Variants in PRKN observed in about 807,000 individuals in gnomAD.
The protein encoded by PRKN is E3 ubiquitin-protein ligase parkin.
PRKN carries 56 observed loss-of-function variants against 59.5 expected under a neutral mutation model. The observed-to-expected ratio is 0.94, with a 90% CI of 0.76 to 1.18. The LOEUF is 1.18. Among genes scored for constraint, PRKN ranks in the 50% most tolerant of loss-of-function variants. The pLI, the probability that PRKN is intolerant of heterozygous loss-of-function variation, is 0.00. For missense variants in PRKN, 657 were observed against 596.4 expected (o/e 1.10, Z -1.06); for synonymous variants, 250 against 222.1 (o/e 1.13, Z -1.12).
Position 161,423,269 on chromosome 6 carries a change from T to G in PRKN, c.1084-36392A>C, listed in dbSNP as rs1788186483. 6.6e-6 allele frequency among the ~76,000 whole-genome samples: 1 copy of G among 152,194 alleles called. No homozygotes were observed. Among genetic ancestry groups the G allele is most frequent in the Non-Finnish European group, 1.5e-5 (1 of 68,038 alleles). On this transcript the variant is annotated intron_variant, in intron 9 of 11. Coordinates refer to ENST00000366898, the MANE Select transcript of PRKN (RefSeq NM_004562.3). This position sits in a 1 kb window ranked among gnomAD's most constrained non-coding sequence, Gnocchi z 5.9. ...ACGTTAATTTTTCTCAACTAGTATC[T>G]GAAGGGTTGTCATGCTCTCTCTGCT...
intron 5 of PRKN, among the ~76,000 whole-genome samples, chr6:162,011,796 C>G (rs1410883928): frequency 6.6e-6 from 1 of 151,414 alleles, no homozygotes; most frequent in Non-Finnish European, 1.5e-5. Context: ...TAAGAAATAA[C>G]TGAAAGTGCA....
intron 4 of PRKN, among the ~76,000 whole-genome samples, chr6:162,188,778 GT>G (rs57578381): frequency 0.013 from 1,843 of 139,182 alleles, 35 homozygotes; most frequent in African/African-American, 0.043. Flanking sequence ...CTTAGATTTC[GT>G]TTTTTTTTTT....
chr6:161,884,083 AAACT>A (rs1398576419), intron 6 of PRKN, among the ~76,000 whole-genome samples: 1 of 152,238 alleles, frequency 6.6e-6, no homozygotes, highest in East Asian at 1.9e-4. Context: ...AACTAACATG[AAACT>A]AACTAACTTA....
chr6:162,021,185 ATT>A (rs1783165744), intron 5 of PRKN, among the ~76,000 whole-genome samples: 4 of 53,200 alleles, frequency 7.5e-5, no homozygotes, highest in Admixed American at 2.8e-4. Flanking sequence ...GTGTATATAT[ATT>A]ATATATATAA....
At chr6:162,322,791 A>T (rs1783085716) in intron 2 of PRKN, among the ~76,000 whole-genome samples, 1 of 152,028 alleles carries the variant, frequency 6.6e-6, no homozygotes, top group Non-Finnish European at 1.5e-5. Flanking sequence ...AATGAACTTG[A>T]TTCACAATAG....
At chr6:161,891,925 C>T (rs1249623613) in intron 6 of PRKN, among the ~76,000 whole-genome samples, 1 of 152,162 alleles carries the variant, frequency 6.6e-6, no homozygotes, top group Non-Finnish European at 1.5e-5. Flanking sequence ...TTAGTCCTTA[C>T]CTAGACATCT....
chr6:161,557,342 G>T (rs1780274590), intron 8 of PRKN, among the ~76,000 whole-genome samples: 1 of 152,178 alleles, frequency 6.6e-6, no homozygotes, highest in African/African-American at 2.4e-5. Context: ...AATGGGTCAT[G>T]GGAGAGTATA....
chr6:161,792,787 C>T (rs1473564210), intron 6 of PRKN, among the ~76,000 whole-genome samples: 1 of 152,128 alleles, frequency 6.6e-6, no homozygotes. Flanking sequence ...GCATTTAACA[C>T]AGTATTTGAT....
chr6:162,576,232 T>C (rs980295882), intron 1 of PRKN, among the ~76,000 whole-genome samples: 1 of 152,284 alleles, frequency 6.6e-6, no homozygotes, highest in South Asian at 2.1e-4. Flanking sequence ...CTCTGCTGAC[T>C]CAGTCTTAAA....
At chr6:161,640,150 T>C (rs1039243695) in intron 7 of PRKN, among the ~76,000 whole-genome samples, 2 of 152,198 alleles carry the variant, frequency 1.3e-5, no homozygotes, top group Non-Finnish European at 2.9e-5. Context: ...CCTTTTTCCA[T>C]TAAAATTATG....
intron 1 of PRKN, among the ~76,000 whole-genome samples, chr6:162,515,860 T>G (rs1027504270): frequency 6.6e-5 from 10 of 152,044 alleles, no homozygotes; most frequent in African/African-American, 2.4e-4. Flanking sequence ...AGAAAGTTCC[T>G]AAAGGAGCTA....
At chr6:162,677,312 C>T (rs761697233) in intron 1 of PRKN, among the ~76,000 whole-genome samples, 2 of 151,614 alleles carry the variant, frequency 1.3e-5, no homozygotes, top group Non-Finnish European at 2.9e-5. Flanking sequence ...AGTTCAAGGA[C>T]CATAACAGCT....
intron 1 of PRKN, among the ~76,000 whole-genome samples, chr6:162,565,794 T>C (rs1169734481): frequency 6.6e-6 from 1 of 151,270 alleles, no homozygotes; most frequent in Non-Finnish European, 1.5e-5. Flanking sequence ...ACTGGGTGAA[T>C]GGATGAAAAA....
At chr6:162,229,609 C>G in intron 3 of PRKN, among the ~76,000 whole-genome samples, 1 of 152,324 alleles carries the variant, frequency 6.6e-6, no homozygotes, top group Middle Eastern at 3.4e-3. Context: ...TCTCCCAGAT[C>G]ACCAGTTCAT....
At chr6:161,596,789 A>G (rs1781930675) in intron 7 of PRKN, among the ~76,000 whole-genome samples, 1 of 152,022 alleles carries the variant, frequency 6.6e-6, no homozygotes, top group African/African-American at 2.4e-5. Flanking sequence ...GTGCTGACCA[A>G]CTCCTATCTT....
chr6:161,359,046 C>A lies in PRKN; in HGVS notation c.1285+1042G>T, dbSNP rs7767565. 0.46 allele frequency among the ~76,000 whole-genome samples: 69,706 copies of A among 151,686 alleles called. 16,786 individuals carry two copies. Among genetic ancestry groups the A allele is most frequent in the African/African-American group, 0.55 (22,717 of 41,340 alleles). On this transcript the variant is annotated intron_variant, in intron 11 of 11. Coordinates refer to ENST00000366898, the MANE Select transcript of PRKN (RefSeq NM_004562.3). This position sits in a 1 kb window ranked among gnomAD's most constrained non-coding sequence, Gnocchi z 5.4. ...CCTGACCTTGTGATCCACCCGCCTC[C>A]GCCTCCCAAAGTGCTGGGATTACAG...
At chr6:162,213,093 T>C (rs1337030562) in intron 3 of PRKN, among the ~76,000 whole-genome samples, 1 of 152,174 alleles carries the variant, frequency 6.6e-6, no homozygotes, top group Non-Finnish European at 1.5e-5. Flanking sequence ...TATCAGTCAG[T>C]ATCTAGCTTT....
At position 161,487,393 on chromosome 6, in the gene PRKN, G is replaced by A. The variant is rs1583140367; in HGVS notation, c.1083+61461C>T. Among the ~76,000 whole-genome samples the A allele has an allele frequency of 6.6e-6, 1 of 152,272 alleles. No homozygotes were observed. The highest frequency in any genetic ancestry group is 3.4e-3 in the Middle Eastern group (1 of 292). ...TGAGCCAAGGCAAGGAAGACAGTCTGGGGCCTGTGGGATGGCAAAGGAATT... is the reference window on the plus strand; with the variant it reads ...TGAGCCAAGGCAAGGAAGACAGTCTAGGGCCTGTGGGATGGCAAAGGAATT... On this transcript the variant is annotated intron_variant, in intron 9 of 11. Transcript: ENST00000366898. This position sits in a 1 kb window ranked among gnomAD's most constrained non-coding sequence, Gnocchi z 5.3.
rs1787049960 is a variant in PRKN at position 161,401,503 on chromosome 6, C to T, written c.1084-14626G>A. Reference sequence around the variant, plus strand: ...TGGTGGACGCCTGTAATCCCAGCTACTCAGGAGGCTGAGGCAGGAGAATTG... The same window carrying T: ...TGGTGGACGCCTGTAATCCCAGCTATTCAGGAGGCTGAGGCAGGAGAATTG... On this transcript the variant is annotated intron_variant, in intron 9 of 11. Coordinates refer to ENST00000366898, the MANE Select transcript of PRKN (RefSeq NM_004562.3). This position sits in a 1 kb window ranked among gnomAD's most constrained non-coding sequence, Gnocchi z 4.4. Among the ~76,000 whole-genome samples, 1 of 152,006 alleles carries T rather than the reference C, an allele frequency of 6.6e-6. No individual in the cohort carries two copies. Among genetic ancestry groups the T allele is most frequent in the South Asian group, 2.1e-4 (1 of 4,820 alleles).
Sources: gnomAD v4.1 joint callset for allele counts (sites outside exome capture counted in the v4.1 genomes callset) on GRCh38, gnomAD v4.1.1 for gene constraint, Gnocchi (gnomAD v3.1) non-coding constraint, MANE v1.5 for transcripts, NCBI Gene and HGNC (gene_info 2026-07-23, HGNC 2026-07-21) for gene names.